IKBKG: variants seen among roughly 807,000 people sequenced by gnomAD.
IKBKG encodes inhibitor of nuclear factor kappa B kinase regulatory subunit gamma.
In IKBKG, 2 loss-of-function variants were observed where a neutral mutation model predicts 13.7. The observed-to-expected ratio is 0.15, with a 90% CI of 0.06 to 0.46. IKBKG has a LOEUF of 0.46. IKBKG is among the 20% of genes least tolerant of loss of function. The pLI is 0.98. For missense variants in IKBKG, 53 were observed against 150.3 expected (o/e 0.35, Z 3.39); for synonymous variants, 22 against 64.4 (o/e 0.34, Z 3.15).
upstream of IKBKG, chrX:154,547,483 C>T (rs1281828987): frequency 1.3e-6 from 1 of 755,254 alleles, no homozygotes; most frequent in Non-Finnish European, 1.6e-6. Flanking sequence ...TTCCGCGGGC[C>T]TGCAGAGCCT....
chrX:154,549,968 C>G (rs1317976433), intron 1 of IKBKG, among the ~76,000 whole-genome samples: 1 of 112,064 alleles, frequency 8.9e-6, no homozygotes, highest in African/African-American at 3.2e-5. Flanking sequence ...TCTCTGGCTG[C>G]TATGAGTAAT....
intron 2 of IKBKG, among the ~76,000 whole-genome samples, chrX:154,553,181 C>G (rs1557235446): frequency 8.9e-6 from 1 of 112,592 alleles, no homozygotes; most frequent in Non-Finnish European, 1.9e-5. Context: ...GGACAACACC[C>G]CTTCCTTGCA....
At chrX:154,553,366 G>T (rs1476383519) in intron 2 of IKBKG, among the ~76,000 whole-genome samples, 1 of 112,922 alleles carries the variant, frequency 8.9e-6, no homozygotes, top group Non-Finnish European at 1.9e-5. Context: ...GTGCTGACAA[G>T]TCACATAGTC....
At chrX:154,542,771 C>T (rs782114925), upstream of IKBKG, among the ~76,000 whole-genome samples, 26 of 111,902 alleles carry the variant, frequency 2.3e-4, no homozygotes, top group Non-Finnish European at 4.3e-4. Context: ...GCTCTCCCGG[C>T]CCTCTTTGTG....
chrX:154,549,519 A>G (rs1557234554), intron 1 of IKBKG, among the ~76,000 whole-genome samples: 1 of 108,478 alleles, frequency 9.2e-6, no homozygotes, highest in East Asian at 2.8e-4. Flanking sequence ...ACCTCAAGTG[A>G]TCCACTTGCC....
upstream of IKBKG, chrX:154,545,604 G>A (rs782736785): frequency 1.5e-3 from 244 of 164,182 alleles, 1 homozygote; most frequent in Non-Finnish European, 2.3e-3. Context: ...GGAGGCCGAG[G>A]CGGGCGGATC....
intron 4 of IKBKG, among the ~76,000 whole-genome samples, chrX:154,558,991 ACAGGGCAGGAGCCGC>A (rs1306331111): frequency 5.2e-4 from 55 of 106,428 alleles, no homozygotes; most frequent in Non-Finnish European, 8.7e-4. Flanking sequence ...GGAAAAAGGC[ACAGGGCAGGAGCCGC>A]CAGGGCAGGA....
At position 154,552,185 on chromosome X, in the gene IKBKG, C is replaced by T. The variant is rs2070952320; in HGVS notation, c.183C>T (p.Leu61=). 2 of 1,186,415 alleles carry T rather than the reference C, an allele frequency of 1.7e-6. No individual in the cohort carries two copies. The highest frequency in any genetic ancestry group is 6.1e-5 in the East Asian group (2 of 32,909). ...LQRCLEENQE[L]RDAIRQSNQI... ...GCTGCCTGGAGGAGAATCAAGAGCT[C>T]CGAGGTGAGGAAAGAGTCAGGGGAT... The change falls in exon 2 of 10, where the codon CTC becomes CTT. Residue 61 remains leucine (L), a synonymous_variant. Transcript: ENST00000594239.
chrX:154,545,311 A>G (rs145036913), upstream of IKBKG, among the ~76,000 whole-genome samples: 396 of 112,280 alleles, frequency 3.5e-3, 2 homozygotes, highest in African/African-American at 0.012. Context: ...ACAGTGTTCA[A>G]AGAAAAGCTA....
At position 154,552,203 on chromosome X, in the gene IKBKG, CAG is replaced by C. The variant is rs781937746; in HGVS notation, c.187+15_187+16del. The C allele has an allele frequency of 1.5e-5, 17 of 1,170,054 alleles. No homozygotes were observed. Among genetic ancestry groups the C allele is most frequent in the Non-Finnish European group, 1.7e-5 (15 of 868,026 alleles). ...AAGAGCTCCGAGGTGAGGAAAGAGTCAGGGGATCCAGCCCTGCTGAGGGGAAG... is the reference window on the plus strand; with the variant it reads ...AAGAGCTCCGAGGTGAGGAAAGAGTCGGGATCCAGCCCTGCTGAGGGGAAG... On this transcript the variant is annotated intron_variant, in intron 2 of 9. Coordinates refer to ENST00000594239, the MANE Select transcript of IKBKG (RefSeq NM_001099857.5).
At chrX:154,555,089 G>A (rs951379890) in intron 2 of IKBKG, among the ~76,000 whole-genome samples, 2 of 111,486 alleles carry the variant, frequency 1.8e-5, no homozygotes, top group African/African-American at 6.5e-5. Flanking sequence ...GGTTTTTCCC[G>A]TTTGTTTTCT....
At chrX:154,546,210 T>C, upstream of IKBKG, 2 of 1,204,137 alleles carry the variant, frequency 1.7e-6, no homozygotes, top group Non-Finnish European at 2.2e-6. Flanking sequence ...CAGGAGAGCA[T>C]TGAGAAGTTA....
intron 1 of IKBKG, chrX:154,548,036 C>T (rs1450714296): frequency 1.3e-6 from 1 of 754,778 alleles, no homozygotes; most frequent in Non-Finnish European, 1.6e-6. Context: ...TGACTGCGCT[C>T]TATCGAGGTC....
At chrX:154,545,996 A>G (rs1557233126), upstream of IKBKG, 3 of 1,206,993 alleles carry the variant, frequency 2.5e-6, no homozygotes, top group Non-Finnish European at 3.4e-6. Flanking sequence ...TGGAGCAGGC[A>G]CTTCCTGGCT....
chrX:154,542,203 C>T (rs2070528567), intron 1 of IKBKG: 8 of 761,146 alleles, frequency 1.1e-5, no homozygotes, highest in Non-Finnish European at 1.5e-5. Flanking sequence ...AGGCGGGGGC[C>T]GCTGGGTCAT....
At chrX:154,552,386 GA>G (rs1339815456) in intron 2 of IKBKG, among the ~76,000 whole-genome samples, 197 bp downstream of exon 2, 2 of 112,097 alleles carry the variant, frequency 1.8e-5, no homozygotes, top group African/African-American at 6.5e-5. Context: ...GGAAAGGAGG[GA>G]CAGGGGAAGA....
chrX:154,548,261 G>A (rs1220014442), intron 1 of IKBKG, among the ~76,000 whole-genome samples: 1 of 112,212 alleles, frequency 8.9e-6, no homozygotes, highest in African/African-American at 3.2e-5. Context: ...GGAGAGGAAG[G>A]GATGGGGAAC....
At chrX:154,546,665 G>A, upstream of IKBKG, 2 of 583,143 alleles carry the variant, frequency 3.4e-6, no homozygotes, top group Middle Eastern at 3.3e-4. Context: ...TAAAGGGATT[G>A]GTTAAGACCC....
At chrX:154,546,775 G>A, upstream of IKBKG, 6 of 1,150,331 alleles carry the variant, frequency 5.2e-6, no homozygotes, top group Non-Finnish European at 5.8e-6. Flanking sequence ...CGCGGCGCCC[G>A]CCCGGCCGGT....
Sources: gnomAD v4.1 joint callset for allele counts (sites outside exome capture counted in the v4.1 genomes callset) on GRCh38, gnomAD v4.1.1 for gene constraint, MANE v1.5 for transcripts, NCBI Gene and HGNC (gene_info 2026-07-23, HGNC 2026-07-21) for gene names.